UNC80: variants seen among roughly 807,000 people sequenced by gnomAD.
UNC80 encodes the protein unc-80 subunit of NALCN channel complex, also known as protein unc-80 homolog.
UNC80 carries 164 observed loss-of-function variants against 384.6 expected under a neutral mutation model. That is an observed-to-expected ratio of 0.43 (90% CI 0.38 to 0.49). UNC80 has a LOEUF of 0.49. Among genes scored for constraint, UNC80 ranks in the 20% least tolerant of loss-of-function variants. UNC80 has a pLI of 0.00. For missense variants in UNC80, 3,330 were observed against 4,143.0 expected (o/e 0.80, Z 5.39); for synonymous variants, 1,486 against 1,527.8 (o/e 0.97, Z 0.64).
rs2091487024 is a variant in UNC80 at position 209,939,616 on chromosome 2, A to G, written c.6610A>G (p.Ile2204Val). ...LRLPSFPRSAIDAEFSLFSDP... is the reference protein window; with the variant it reads ...LRLPSFPRSAVDAEFSLFSDP... ...CCTGCCCTCATTCCCTCGTAGTGCT[A>G]TTGATGCTGAGTTTTCACTCTTCAG... is the stretch of plus-strand genomic sequence containing the variant. Residue 2204 changes from isoleucine to valine, a missense_variant, in exon 43 of 65, where the codon ATT (isoleucine) becomes GTT (valine). Physicochemically the swap from Ile to Val is conservative, Grantham distance 29. Around this residue, in one of 8 missense-constraint regions of UNC80, gnomAD observed 1,049 missense variants for 1,488.6 expected, o/e 0.70. Transcript: ENST00000673920. 4 of 1,551,438 alleles carry G rather than the reference A, an allele frequency of 2.6e-6. No homozygotes were observed. The highest frequency in any genetic ancestry group is 2.4e-5 in the East Asian group (1 of 40,908).
At position 209,998,035 on chromosome 2, in the gene UNC80, A is replaced by G. The variant is rs1310806357; in HGVS notation, c.*2440A>G. 1 of 152,234 alleles carries G rather than the reference A, an allele frequency of 6.6e-6. No homozygotes were observed. Among genetic ancestry groups the G allele is most frequent in the Non-Finnish European group, 1.5e-5 (1 of 68,034 alleles). 9.4% of individuals were successfully genotyped at this position (152,234 alleles called of 1,614,324 possible). A position where few individuals can be genotyped will look rare whatever the true frequency, so the allele number is the denominator to read the frequency against. On this transcript the variant is annotated 3_prime_UTR_variant, in exon 65 of 65. Transcript: ENST00000673920. ...AGTACATGACTAAAAGCTAATTACTACATATGATAAATGCAGTGTTGGTAA... is the reference window on the plus strand; with the variant it reads ...AGTACATGACTAAAAGCTAATTACTGCATATGATAAATGCAGTGTTGGTAA...
At chr2:209,866,048 T>C (rs1438607717) in intron 22 of UNC80, among the ~76,000 whole-genome samples, 3 of 149,270 alleles carry the variant, frequency 2.0e-5, no homozygotes, top group Admixed American at 6.6e-5. Context: ...TTTTGCAGTT[T>C]TACTAAAACG....
At chr2:209,819,368 C>A (rs959405134) in intron 12 of UNC80, 107 bp downstream of exon 12, 3 of 1,190,930 alleles carry the variant, frequency 2.5e-6, no homozygotes, top group Non-Finnish European at 3.3e-6. Flanking sequence ...AAATATCAAA[C>A]CTTGAAATGA....
At chr2:209,906,725 GA>G (rs1553587555) in intron 29 of UNC80, among the ~76,000 whole-genome samples, 1 of 151,590 alleles carries the variant, frequency 6.6e-6, no homozygotes, top group Non-Finnish European at 1.5e-5. Context: ...GACATAAAAA[GA>G]AAAAAAGTAA....
At chr2:209,775,226 G>T (rs1423584849) in intron 2 of UNC80, among the ~76,000 whole-genome samples, 1 of 152,068 alleles carries the variant, frequency 6.6e-6, no homozygotes, top group Non-Finnish European at 1.5e-5. Flanking sequence ...AGTATCCCTG[G>T]CAAGGATAGA....
chr2:209,897,678 A>G (rs2086941564), intron 28 of UNC80, among the ~76,000 whole-genome samples: 1 of 152,198 alleles, frequency 6.6e-6, no homozygotes, highest in African/African-American at 2.4e-5. Context: ...TGGTCGCTCC[A>G]CTAATGTCTG....
intron 51 of UNC80, among the ~76,000 whole-genome samples, chr2:209,960,547 T>G (rs1214517142): frequency 6.6e-6 from 1 of 152,212 alleles, no homozygotes; most frequent in Non-Finnish European, 1.5e-5. Context: ...AAGGTAAAAG[T>G]AGAGTTAGGT....
chr2:209,970,061 G>C, intron 53 of UNC80, 170 bp downstream of exon 53: 2 of 832,932 alleles, frequency 2.4e-6, no homozygotes, highest in Non-Finnish European at 3.6e-6. Context: ...GTGGTGTGTG[G>C]GGAGATCCAG....
At position 209,976,670 on chromosome 2, in the gene UNC80, T is replaced by C. The variant is rs1239730821; in HGVS notation, c.8773-243T>C. On this transcript the variant is annotated intron_variant, in intron 57 of 64. Coordinates refer to ENST00000673920, the MANE Select transcript of UNC80 (RefSeq NM_001371986.1). The surrounding 1 kb of genome is among the most constrained non-coding windows in gnomAD (Gnocchi z 4.3). ...AAACATAAGAAAAACATAGGATACT[T>C]AACGTATGTTTTTCCTCCAAGACCC... Among the ~76,000 whole-genome samples the C allele has an allele frequency of 6.6e-6, 1 of 152,146 alleles. No individual in the cohort carries two copies. The highest frequency in any genetic ancestry group is 6.5e-5 in the Admixed American group (1 of 15,268).
intron 7 of UNC80, among the ~76,000 whole-genome samples, chr2:209,803,443 C>T (rs756860103): frequency 1.3e-5 from 2 of 152,168 alleles, no homozygotes; most frequent in Non-Finnish European, 2.9e-5. Flanking sequence ...TTACTTAGGA[C>T]ACAGACTAAG....
rs372306961 is a variant in UNC80 at position 209,933,440 on chromosome 2, T to C, written c.5995-382T>C. 1.1e-3 allele frequency among the ~76,000 whole-genome samples: 164 copies of C among 151,886 alleles called. 1 individual carries two copies. Among genetic ancestry groups the C allele is most frequent in the African/African-American group, 3.8e-3 (158 of 41,406 alleles). On this transcript the variant is annotated intron_variant, in intron 38 of 64. Coordinates refer to ENST00000673920, the MANE Select transcript of UNC80 (RefSeq NM_001371986.1). Reference sequence around the variant, plus strand: ...GAAGTTCATCAACTTAGCCAAGCAGTGTGCTCTTAGGTTTGAGACTATTAG... The same window carrying C: ...GAAGTTCATCAACTTAGCCAAGCAGCGTGCTCTTAGGTTTGAGACTATTAG...
intron 22 of UNC80, among the ~76,000 whole-genome samples, chr2:209,867,080 T>C (rs1263537147): frequency 6.6e-6 from 1 of 152,254 alleles, no homozygotes; most frequent in Non-Finnish European, 1.5e-5. Flanking sequence ...TTTTGAAATA[T>C]AATGTAGCTC....
At chr2:209,916,278 A>T (rs1415015520) in intron 31 of UNC80, among the ~76,000 whole-genome samples, 1 of 152,216 alleles carries the variant, frequency 6.6e-6, no homozygotes, top group African/African-American at 2.4e-5. Context: ...GACCAGAGGA[A>T]GAAGCCCAGC....
At chr2:209,848,189 T>C (rs755521457) in intron 21 of UNC80, among the ~76,000 whole-genome samples, 3 of 152,100 alleles carry the variant, frequency 2.0e-5, no homozygotes, top group Admixed American at 6.6e-5. Context: ...TGGAATTGTT[T>C]GTTCCTCGTC....
At chr2:209,880,865 T>A (rs1019260525) in intron 24 of UNC80, 96 bp from the exon 25 acceptor site, 2 of 1,211,668 alleles carry the variant, frequency 1.7e-6, no homozygotes, top group Admixed American at 4.6e-5. Context: ...CATATGCAAT[T>A]TGATTCTATA....
Position 209,793,986 on chromosome 2 carries a change from C to A in UNC80, c.938+127C>A, listed in dbSNP as rs986675771. On this transcript the variant is annotated intron_variant, in intron 7 of 64. Transcript: ENST00000673920. Reference sequence around the variant, plus strand: ...TTTGCATAATATGTGTATACATATTCTTGGTCAAAGTATAATTAATAATTG... The same window carrying A: ...TTTGCATAATATGTGTATACATATTATTGGTCAAAGTATAATTAATAATTG... 16 of 1,095,260 alleles carry A rather than the reference C, an allele frequency of 1.5e-5. No individual in the cohort carries two copies. The East Asian group carries it at 3.8e-4, about 26-fold the overall frequency. The allele number at this position is 1,095,260 out of a possible 1,614,324, so 67.8% of individuals were successfully genotyped here.
intron 22 of UNC80, among the ~76,000 whole-genome samples, chr2:209,862,961 G>C (rs1280556946): frequency 6.6e-6 from 1 of 152,096 alleles, no homozygotes; most frequent in Non-Finnish European, 1.5e-5. Context: ...TGTTTTTGCA[G>C]TGGCTGGTAC....
intron 18 of UNC80, among the ~76,000 whole-genome samples, chr2:209,837,916 C>G (rs368200661): frequency 1.1e-4 from 17 of 152,112 alleles, no homozygotes; most frequent in African/African-American, 3.6e-4. Context: ...GGACTACAGG[C>G]GCCCGCCACC....
intron 20 of UNC80, among the ~76,000 whole-genome samples, chr2:209,841,303 GGTT>G (rs994726937): frequency 5.9e-5 from 9 of 151,994 alleles, no homozygotes; most frequent in African/African-American, 1.7e-4. Context: ...CTAAAACCAG[GGTT>G]GTTTTTGTTT....
Sources: gnomAD v4.1 joint callset for allele counts (sites outside exome capture counted in the v4.1 genomes callset) on GRCh38, gnomAD v4.1.1 for gene constraint, gnomAD v4.1.1 regional missense constraint, Gnocchi (gnomAD v3.1) non-coding constraint, MANE v1.5 for transcripts, NCBI Gene and HGNC (gene_info 2026-07-23, HGNC 2026-07-21) for gene names.